Variants in PTBP3 observed in about 807,000 individuals in gnomAD.
PTBP3 encodes the protein polypyrimidine tract-binding protein 3.
In PTBP3, 20 loss-of-function variants were observed where a neutral mutation model predicts 58.7. The ratio of observed to expected loss-of-function variants is 0.34; its 90% CI spans 0.24 to 0.50. PTBP3 has a LOEUF of 0.50. Ranked by LOEUF, PTBP3 falls within the 20% of genes least tolerant of loss-of-function variation. The pLI is 0.98. For synonymous variants in PTBP3, 185 were observed against 219.8 expected (o/e 0.84, Z 1.40); for missense variants, 509 against 637.2 (o/e 0.80, Z 2.17).
chr9:112,361,895 C>T, the PTBP3 span, among the ~76,000 whole-genome samples: 10 of 152,170 alleles, frequency 6.6e-5, no homozygotes, highest in East Asian at 1.9e-4. Flanking sequence ...ACATCCCATC[C>T]GACACTTGTT....
At chr9:112,279,993 C>T (rs1241720249) in intron 2 of PTBP3, among the ~76,000 whole-genome samples, 1 of 152,146 alleles carries the variant, frequency 6.6e-6, no homozygotes, top group Non-Finnish European at 1.5e-5. Context: ...TTATATCCTA[C>T]ACCCTTGCTA....
chr9:112,333,275 G>T (rs1830456315), intron 1 of PTBP3, among the ~76,000 whole-genome samples, 195 bp downstream of exon 1: 1 of 152,082 alleles, frequency 6.6e-6, no homozygotes, highest in Non-Finnish European at 1.5e-5. Context: ...AGGAGAGCCT[G>T]CGGCGGACGG....
At chr9:112,224,540 G>C (rs183568227) in intron 12 of PTBP3, among the ~76,000 whole-genome samples, 1 of 152,272 alleles carries the variant, frequency 6.6e-6, no homozygotes, top group East Asian at 1.9e-4. Flanking sequence ...GTAATCAACT[G>C]TAGTACTTCC....
chr9:112,332,808 C>T, intron 1 of PTBP3: 7 of 1,612,520 alleles, frequency 4.3e-6, no homozygotes, highest in South Asian at 1.1e-5. Context: ...CATTAAGTTT[C>T]TTGGGGAGAG....
At chr9:112,250,783 G>T in intron 7 of PTBP3, 146 bp downstream of exon 7, 1 of 641,794 alleles carries the variant, frequency 1.6e-6, no homozygotes, top group Non-Finnish European at 2.3e-6. Flanking sequence ...TTAATTAATG[G>T]GTATACTTTG....
intron 8 of PTBP3, among the ~76,000 whole-genome samples, chr9:112,232,767 GA>G (rs1420136759): frequency 6.6e-6 from 1 of 152,098 alleles, no homozygotes; most frequent in Admixed American, 6.6e-5. Context: ...GATATTTACA[GA>G]ATTCAATATT....
chr9:112,332,688 G>C (rs1830424174), intron 1 of PTBP3: 9 of 1,446,458 alleles, frequency 6.2e-6, no homozygotes, highest in Non-Finnish European at 8.5e-6. Context: ...TATATACATA[G>C]ACTCTAAATC....
chr9:112,256,662 T>C (rs1836378873), intron 5 of PTBP3, among the ~76,000 whole-genome samples: 1 of 151,928 alleles, frequency 6.6e-6, no homozygotes, highest in South Asian at 2.1e-4. Flanking sequence ...TCCAGAGTAC[T>C]ACAGGTACAT....
At chr9:112,308,562 G>C (rs1406753309) in intron 1 of PTBP3, among the ~76,000 whole-genome samples, 1 of 151,888 alleles carries the variant, frequency 6.6e-6, no homozygotes, top group Non-Finnish European at 1.5e-5. Flanking sequence ...ACGGTTTAAG[G>C]GAAGAATGGA....
At chr9:112,229,054 T>TG (rs1200615815) in intron 10 of PTBP3, among the ~76,000 whole-genome samples, 2 of 152,188 alleles carry the variant, frequency 1.3e-5, no homozygotes, top group Non-Finnish European at 2.9e-5. Context: ...AGTGATTCAC[T>TG]GGGGTATGGA....
At chr9:112,250,648 C>G (rs969713576) in intron 7 of PTBP3, among the ~76,000 whole-genome samples, 7 of 151,980 alleles carry the variant, frequency 4.6e-5, no homozygotes, top group Admixed American at 6.6e-5. Context: ...GTTAATAAGA[C>G]TACTAATTTG....
chr9:112,360,901 A>AT, the PTBP3 span, among the ~76,000 whole-genome samples: 1 of 152,276 alleles, frequency 6.6e-6, no homozygotes, highest in African/African-American at 2.4e-5. Context: ...AGGTTACTAA[A>AT]TTACACACTT....
chr9:112,276,049 A>T, intron 2 of PTBP3, 36 bp from the exon 3 acceptor site: 2 of 1,568,794 alleles, frequency 1.3e-6, no homozygotes, highest in Non-Finnish European at 1.8e-6. Context: ...AATTACTGCA[A>T]CTAATTTGGG....
chr9:112,299,727 GACAAC>G (rs1186738928), intron 1 of PTBP3, among the ~76,000 whole-genome samples: 3 of 152,154 alleles, frequency 2.0e-5, no homozygotes, highest in African/African-American at 7.2e-5. Context: ...TCCCCCCATT[GACAAC>G]ACAGTTTTGT....
chr9:112,221,557 C>A lies in PTBP3; in HGVS notation c.*2294G>T. The A allele has an allele frequency of 1.0e-6, 1 of 985,608 alleles. No individual in the cohort carries two copies. Among genetic ancestry groups the A allele is most frequent in the Non-Finnish European group, 1.2e-6 (1 of 829,898 alleles). The allele number at this position is 985,608 out of a possible 1,614,324, so 61.1% of individuals were successfully genotyped here. A position where few individuals can be genotyped will look rare whatever the true frequency, so the allele number is the denominator to read the frequency against. On this transcript the variant is annotated 3_prime_UTR_variant, in exon 14 of 14. Coordinates refer to ENST00000374257, the MANE Select transcript of PTBP3 (RefSeq NM_001163788.4). ...TGCCTGTGTGGAAGGGAAAAAAAAG[C>A]AAGTTTTGGGAGATTTTGCAAAGAA...
upstream of PTBP3, among the ~76,000 whole-genome samples, chr9:112,335,179 CATT>C (rs1008549300): frequency 4.7e-4 from 72 of 152,232 alleles, no homozygotes; most frequent in African/African-American, 1.6e-3. Flanking sequence ...GAAAAGTTAT[CATT>C]AATATTTTTC....
In PTBP3 at chr9:112,333,431, A is replaced by C. The variant is rs1830468440; in HGVS notation, c.-52+39T>G. 3 of 1,566,982 alleles carry C rather than the reference A, an allele frequency of 1.9e-6. No homozygotes were observed. In the Admixed American group the frequency reaches 5.4e-5, roughly 28 times the overall value. The stretch of plus-strand genomic sequence containing the variant: ...GGAGAGCCGGGTGGAAGCGGCGCCA[A>C]GGCAACCCGGTGCGGCCGCCGCGCC... On this transcript the variant is annotated intron_variant, in intron 1 of 13. Coordinates refer to ENST00000374257, the MANE Select transcript of PTBP3 (RefSeq NM_001163788.4).
At chr9:112,370,840 A>T in the PTBP3 span, among the ~76,000 whole-genome samples, 4 of 152,038 alleles carry the variant, frequency 2.6e-5, no homozygotes, top group African/African-American at 9.7e-5. Context: ...TAAATCTTGC[A>T]TTTTTTGGCT....
intron 3 of PTBP3, among the ~76,000 whole-genome samples, chr9:112,270,447 A>C (rs1213092262): frequency 3.3e-5 from 5 of 152,220 alleles, no homozygotes; most frequent in Admixed American, 3.3e-4. Flanking sequence ...AAAGAGTGCT[A>C]TTTGGGGAAT....
Sources: allele counts gnomAD v4.1 joint callset (sites outside exome capture counted in the v4.1 genomes callset), GRCh38; gene constraint gnomAD v4.1.1; transcripts MANE v1.5; gene names NCBI Gene and HGNC (gene_info 2026-07-23, HGNC 2026-07-21).